Variants in SLC24A2 observed in about 807,000 individuals in gnomAD.
The protein encoded by SLC24A2 is solute carrier family 24 member 2, also known as sodium/potassium/calcium exchanger 2.
In SLC24A2, 36 loss-of-function variants were observed where a neutral mutation model predicts 62.0. The observed-to-expected ratio is 0.58, with a 90% CI of 0.44 to 0.77. SLC24A2 has a LOEUF of 0.77. SLC24A2 is among the 30% of genes least tolerant of loss of function. SLC24A2 has a pLI of 0.00. For missense variants in SLC24A2, 846 were observed against 817.9 expected (o/e 1.03, Z -0.42); for synonymous variants, 358 against 294.0 (o/e 1.22, Z -2.23).
At chr9:19,989,132 T>G in the SLC24A2 span, among the ~76,000 whole-genome samples, 3 of 152,192 alleles carry the variant, frequency 2.0e-5, no homozygotes, top group East Asian at 1.9e-4. Flanking sequence ...ATAATAAATA[T>G]GTATTTACAT....
chr9:19,774,551 G>A (rs1444218107), intron 2 of SLC24A2, among the ~76,000 whole-genome samples: 2 of 152,132 alleles, frequency 1.3e-5, no homozygotes, highest in African/African-American at 4.8e-5. Context: ...TACGGAAAAA[G>A]AAAACCACCT....
At chr9:20,048,637 A>G in the SLC24A2 span, among the ~76,000 whole-genome samples, 2 of 152,218 alleles carry the variant, frequency 1.3e-5, no homozygotes, top group Non-Finnish European at 2.9e-5. Flanking sequence ...ACCGGCACTG[A>G]GACAAATAAA....
At chr9:19,920,319 C>T in the SLC24A2 span, among the ~76,000 whole-genome samples, 17 of 152,100 alleles carry the variant, frequency 1.1e-4, no homozygotes, top group Non-Finnish European at 1.8e-4. Context: ...CAGAATGAAA[C>T]GGAGTTAGTT....
At chr9:20,042,007 G>A in the SLC24A2 span, among the ~76,000 whole-genome samples, 1 of 152,198 alleles carries the variant, frequency 6.6e-6, no homozygotes, top group Non-Finnish European at 1.5e-5. Context: ...CAAAGGAGAA[G>A]AGTCTGGCAC....
chr9:20,026,011 C>G, the SLC24A2 span, among the ~76,000 whole-genome samples: 1 of 152,152 alleles, frequency 6.6e-6, no homozygotes, highest in East Asian at 1.9e-4. Flanking sequence ...AGCTTGTTCT[C>G]TAGTCAGAAG....
At chr9:19,590,452 C>T (rs1227242874) in intron 5 of SLC24A2, among the ~76,000 whole-genome samples, 1 of 152,194 alleles carries the variant, frequency 6.6e-6, no homozygotes, top group Non-Finnish European at 1.5e-5. Flanking sequence ...CAGCTGCCTG[C>T]TCCTCCAAAC....
At chr9:20,181,580 G>C in the SLC24A2 span, among the ~76,000 whole-genome samples, 1,757 of 152,126 alleles carry the variant, frequency 0.012, 45 homozygotes, top group African/African-American at 0.04. Context: ...ATTGGCTACC[G>C]TGTGTAGAAA....
At chr9:20,055,496 A>G in the SLC24A2 span, among the ~76,000 whole-genome samples, 3 of 152,124 alleles carry the variant, frequency 2.0e-5, no homozygotes, top group Non-Finnish European at 2.9e-5. Flanking sequence ...TTCAGTAGCT[A>G]TTATCTGTAA....
the SLC24A2 span, among the ~76,000 whole-genome samples, chr9:20,268,003 T>C: frequency 6.6e-6 from 1 of 152,166 alleles, no homozygotes; most frequent in African/African-American, 2.4e-5. Flanking sequence ...TCCACCGTGA[T>C]GTTTCATGCA....
chr9:20,203,863 C>A, the SLC24A2 span, among the ~76,000 whole-genome samples: 1 of 152,094 alleles, frequency 6.6e-6, no homozygotes, highest in African/African-American at 2.4e-5. Context: ...ATCAGCAGAC[C>A]CATAATGTTG....
At chr9:20,183,311 A>G in the SLC24A2 span, among the ~76,000 whole-genome samples, 7 of 152,234 alleles carry the variant, frequency 4.6e-5, no homozygotes, top group African/African-American at 1.7e-4. Context: ...ATTTTGTATT[A>G]TGGATCATAA....
At position 19,748,425 on chromosome 9, in the gene SLC24A2, T is replaced by C. The variant is rs184103263; in HGVS notation, c.930+37512A>G. Among the ~76,000 whole-genome samples the C allele has an allele frequency of 4.4e-4, 67 of 152,296 alleles. 3 individuals carry two copies. The East Asian group carries it at 8.3e-3, about 19-fold the overall frequency. On this transcript the variant is annotated intron_variant, in intron 2 of 10. Transcript: ENST00000341998. ...TAACACAAGAAGTTTTAGACTGGCC[T>C]CCATTGATGTAGTGGGGTAAGTGGT...
chr9:20,258,764 TTATCTATCTATC>T, the SLC24A2 span, among the ~76,000 whole-genome samples: 168 of 139,708 alleles, frequency 1.2e-3, no homozygotes, highest in South Asian at 2.0e-3. Flanking sequence ...CTCCTCTCAT[TTATCTATCTATC>T]TATCTATCTA....
the SLC24A2 span, among the ~76,000 whole-genome samples, chr9:19,863,226 C>G: frequency 6.6e-6 from 1 of 151,988 alleles, no homozygotes; most frequent in Non-Finnish European, 1.5e-5. Flanking sequence ...AACACTGGAG[C>G]ACCCAGATAC....
the SLC24A2 span, among the ~76,000 whole-genome samples, chr9:20,203,612 G>C: frequency 6.6e-6 from 1 of 152,076 alleles, no homozygotes; most frequent in East Asian, 1.9e-4. Flanking sequence ...AAGAGGCCAA[G>C]GCCAAAGGGT....
the SLC24A2 span, among the ~76,000 whole-genome samples, chr9:20,165,115 C>T: frequency 7.3e-5 from 11 of 151,192 alleles, no homozygotes; most frequent in African/African-American, 2.4e-4. Flanking sequence ...GCACATGTAC[C>T]CTAAAACTTA....
At chr9:20,053,974 T>G in the SLC24A2 span, among the ~76,000 whole-genome samples, 3 of 152,190 alleles carry the variant, frequency 2.0e-5, no homozygotes, top group Non-Finnish European at 4.4e-5. Context: ...AATGCTTTCC[T>G]CTACTTGACT....
the SLC24A2 span, among the ~76,000 whole-genome samples, chr9:20,018,881 T>A: frequency 6.6e-6 from 1 of 151,944 alleles, no homozygotes; most frequent in African/African-American, 2.4e-5. Flanking sequence ...CTGGGCAACA[T>A]GGCGAAACCC....
At chr9:19,674,902 G>A (rs932055252) in intron 2 of SLC24A2, among the ~76,000 whole-genome samples, 9 of 152,178 alleles carry the variant, frequency 5.9e-5, no homozygotes, top group African/African-American at 2.2e-4. Context: ...TGGTGAGCTA[G>A]TGTGATCTTT....
Sources: allele counts gnomAD v4.1 joint callset (sites outside exome capture counted in the v4.1 genomes callset), GRCh38; gene constraint gnomAD v4.1.1; transcripts MANE v1.5; gene names NCBI Gene and HGNC (gene_info 2026-07-23, HGNC 2026-07-21).